Variants in APOC3 observed in about 807,000 individuals in gnomAD.
The protein encoded by APOC3 is apolipoprotein C-III.
In APOC3, 6 loss-of-function variants were observed where a neutral mutation model predicts 7.3. That is an observed-to-expected ratio of 0.82 (90% confidence interval 0.45 to 1.61). The LOEUF is 1.61. Among genes scored for constraint, APOC3 ranks in the 40% most tolerant of loss-of-function variants. APOC3 has a pLI of 0.01. For synonymous variants in APOC3, 45 were observed against 51.2 expected, an observed-to-expected ratio of 0.88 and a Z score of 0.52; for missense variants, 123 against 124.9, an observed-to-expected ratio of 0.98 and a Z score of 0.07.
chr11:116,833,021 C>G lies in APOC3; in HGVS notation c.*137C>G. 2 of 1,224,430 alleles carry G rather than the reference C, an allele frequency of 1.6e-6. No homozygotes were observed. Among genetic ancestry groups the G allele is most frequent in the Non-Finnish European group, 2.4e-6 (2 of 848,988 alleles). 75.8% of individuals were successfully genotyped at this position (1,224,430 alleles called of 1,614,324 possible). A position where few individuals can be genotyped will look rare whatever the true frequency, so the allele number is the denominator to read the frequency against. On this transcript the variant is annotated 3_prime_UTR_variant, in exon 4 of 4. Coordinates refer to ENST00000227667, the MANE Select transcript of APOC3 (RefSeq NM_000040.3). ...CTCCTACCCCACCTCATGCCTGGCC[C>G]CCCTCCAGGCATGCTGGCCTCCCAA...
rs745663150 is a variant in APOC3, at chr11:116,830,796, T to A, written c.79T>A (p.Ser27Thr). Residue 27 changes from serine to threonine, a missense_variant, in exon 3 of 4, where the codon TCC becomes ACC. Coordinates refer to ENST00000227667, the MANE Select transcript of APOC3 (RefSeq NM_000040.3). ...AGGAGCTTCAGAGGCCGAGGATGCCTCCCTTCTCAGCTTCATGCAGGGTTA... is the reference window on the plus strand; with the variant it reads ...AGGAGCTTCAGAGGCCGAGGATGCCACCCTTCTCAGCTTCATGCAGGGTTA... ...SARASEAEDA[S>T]LLSFMQGYMK... 1 of 1,613,018 alleles carries A rather than the reference T, an allele frequency of 6.2e-7. No individual in the cohort carries two copies. The highest frequency in any genetic ancestry group is 8.5e-7 in the Non-Finnish European group (1 of 1,179,868).
chr11:116,830,832 G>T lies in APOC3; in HGVS notation c.115G>T (p.Ala39Ser). The stretch of plus-strand genomic sequence containing the variant: ...CTTCATGCAGGGTTACATGAAGCAC[G>T]CCACCAAGACCGCCAAGGATGCACT... ...LSFMQGYMKH[A>S]TKTAKDALSS... is the part of the protein sequence containing the mutation. The change falls in exon 3 of 4, where the codon GCC becomes TCC. Residue 39 changes from alanine to serine, a missense_variant. Coordinates refer to ENST00000227667, the MANE Select transcript of APOC3 (RefSeq NM_000040.3). The T allele has an allele frequency of 6.2e-7, 1 of 1,613,116 alleles. No homozygotes were observed. Among genetic ancestry groups the T allele is most frequent in the East Asian group, 2.2e-5 (1 of 44,864 alleles).
rs1377177486 is a variant in APOC3, at chr11:116,832,952, G to T, written c.*68G>T. 8.7e-6 allele frequency: 14 copies of T among 1,609,940 alleles called. No individual in the cohort carries two copies. Among genetic ancestry groups the T allele is most frequent in the African/African-American group, 1.3e-5 (1 of 74,816 alleles). ...CTCCTTGGGTCCTGCAATCTCCAGG[G>T]CTGCCCCTGTAGGTTGCTTAAAAGG... On this transcript the variant is annotated 3_prime_UTR_variant, in exon 4 of 4. Transcript: ENST00000227667.
At chr11:116,830,458 T>A (rs1360758696) in intron 1 of APOC3, 112 bp from the exon 2 acceptor site, 3 of 1,135,520 alleles carry the variant, frequency 2.6e-6, no homozygotes, top group African/African-American at 3.0e-5. Flanking sequence ...CGGCCCCTAC[T>A]CCTTCTGGCA....
At chr11:116,831,009 G>T in intron 3 of APOC3, 113 bp downstream of exon 3, 1 of 1,317,624 alleles carries the variant, frequency 7.6e-7, no homozygotes, top group African/African-American at 1.4e-5. Flanking sequence ...CCTCCCCTGG[G>T]CCTGTGCCTC....
At position 116,829,953 on chromosome 11, in the gene APOC3, G is replaced by A. The variant is rs1406647663; in HGVS notation, c.-14+13G>A. On this transcript the variant is annotated intron_variant, in intron 1 of 3. Transcript: ENST00000227667. ...GCAGCTGCTCCAGGTAATGCCCTCT[G>A]GGGAGGGGAAAGAGGAGGGGAGGAG... 2 of 164,300 alleles carry A rather than the reference G, an allele frequency of 1.2e-5. No homozygotes were observed. The highest frequency in any genetic ancestry group is 4.8e-5 in the African/African-American group (2 of 41,574). The allele number at this position is 164,300 out of a possible 1,614,324, so 10.2% of individuals were successfully genotyped here. A position where few individuals can be genotyped will look rare whatever the true frequency, so the allele number is the denominator to read the frequency against.
At position 116,833,070 on chromosome 11, in the gene APOC3, T is replaced by C. The variant is rs1941480537; in HGVS notation, c.*186T>C. ...AATAAAGCTGGACAAGAAGCTGCTA[T>C]GAGTGGGCCGTCGCAAGTGTGCCAT... On this transcript the variant is annotated 3_prime_UTR_variant, in exon 4 of 4. Transcript: ENST00000227667. 1 of 831,602 alleles carries C rather than the reference T, an allele frequency of 1.2e-6. No homozygotes were observed. Among genetic ancestry groups the C allele is most frequent in the African/African-American group, 1.7e-5 (1 of 59,178 alleles). 51.5% of individuals were successfully genotyped at this position (831,602 alleles called of 1,614,324 possible). A position where few individuals can be genotyped will look rare whatever the true frequency, so the allele number is the denominator to read the frequency against.
At chr11:116,830,443 G>A (rs2134224411) in intron 1 of APOC3, 127 bp from the exon 2 acceptor site, 3 of 957,374 alleles carry the variant, frequency 3.1e-6, no homozygotes, top group Middle Eastern at 5.6e-4. Flanking sequence ...GTATTAGCAG[G>A]GAGCCGGCCC....
chr11:116,830,037 C>T (rs771435413), intron 1 of APOC3, 97 bp downstream of exon 1: 32 of 171,944 alleles, frequency 1.9e-4, no homozygotes, highest in Non-Finnish European at 2.9e-4. Context: ...TGGAGAAGCA[C>T]TTGCTAGAGC....
At chr11:116,831,300 CCTTT>C (rs767886491) in intron 3 of APOC3, among the ~76,000 whole-genome samples, 1 of 110,480 alleles carries the variant, frequency 9.1e-6, no homozygotes, top group Non-Finnish European at 1.7e-5. Flanking sequence ...TTCTTTCTTT[CCTTT>C]CTTTCTCTTT....
At position 116,830,907 on chromosome 11, in the gene APOC3, T is replaced by C; in HGVS notation, c.179+11T>C. ...GGCCCAGCAGGCCAGGTACACCCGC[T>C]GGCCTCCCTCCCCATCCCCCCTGCC... is the stretch of plus-strand genomic sequence containing the variant. On this transcript the variant is annotated intron_variant, in intron 3 of 3. Coordinates refer to ENST00000227667, the MANE Select transcript of APOC3 (RefSeq NM_000040.3). 6.2e-7 allele frequency: 1 copy of C among 1,611,400 alleles called. No individual in the cohort carries two copies.
Position 116,830,921 on chromosome 11 carries a change from A to G in APOC3, c.179+25A>G, listed in dbSNP as rs1242354329. 5 of 1,561,238 alleles carry G rather than the reference A, an allele frequency of 3.2e-6. No homozygotes were observed. In the African/African-American group the frequency reaches 7.2e-5, roughly 22 times the overall value. On this transcript the variant is annotated intron_variant, in intron 3 of 3. Coordinates refer to ENST00000227667, the MANE Select transcript of APOC3 (RefSeq NM_000040.3). Reference sequence around the variant, plus strand: ...GGTACACCCGCTGGCCTCCCTCCCCATCCCCCCTGCCAGCTGCCTCCATTC... The same window carrying G: ...GGTACACCCGCTGGCCTCCCTCCCCGTCCCCCCTGCCAGCTGCCTCCATTC...
intron 3 of APOC3, 34 bp from the exon 4 acceptor site, chr11:116,832,730 T>C (rs762551524): frequency 1.2e-6 from 2 of 1,613,972 alleles, no homozygotes; most frequent in Admixed American, 3.3e-5. Flanking sequence ...GGAGTTCTCA[T>C]GCCCTGCTCT....
At chr11:116,831,233 CTTTCTTTCTTT>C (rs778327867) in intron 3 of APOC3, 5,583 of 179,616 alleles carry the variant, frequency 0.031, 120 homozygotes, top group Admixed American at 0.044. Context: ...TTCTTTCTTT[CTTTCTTTCTTT>C]CTTTCTTTCT....
chr11:116,830,913 C>A lies in APOC3; in HGVS notation c.179+17C>A, dbSNP rs779756520. ...GCAGGCCAGGTACACCCGCTGGCCT[C>A]CCTCCCCATCCCCCCTGCCAGCTGC... On this transcript the variant is annotated intron_variant, in intron 3 of 3. Coordinates refer to ENST00000227667, the MANE Select transcript of APOC3 (RefSeq NM_000040.3). 6.2e-7 allele frequency: 1 copy of A among 1,610,862 alleles called. No homozygotes were observed. The highest frequency in any genetic ancestry group is 8.5e-7 in the Non-Finnish European group (1 of 1,179,612).
rs1211269985 is a variant in APOC3 at position 116,830,607 on chromosome 11, G to A, written c.25G>A (p.Val9Ile). Residue 9 changes from valine to isoleucine, a missense_variant, in exon 2 of 4, where the codon GTT becomes ATT. Val to Ile is a conservative substitution (Grantham distance 29). Coordinates refer to ENST00000227667, the MANE Select transcript of APOC3 (RefSeq NM_000040.3). ...CATGCAGCCCCGGGTACTCCTTGTT[G>A]TTGCCCTCCTGGCGCTCCTGGCCTC... Reference protein sequence around the residue: MQPRVLLVVALLALLASAR... With the variant: MQPRVLLVIALLALLASAR... 1 of 1,614,004 alleles carries A rather than the reference G, an allele frequency of 6.2e-7. No individual in the cohort carries two copies. The highest frequency in any genetic ancestry group is 2.2e-5 in the East Asian group (1 of 44,860).
intron 1 of APOC3, 165 bp from the exon 2 acceptor site, chr11:116,830,405 C>T (rs1411462194): frequency 1.1e-5 from 8 of 719,774 alleles, no homozygotes; most frequent in Non-Finnish European, 1.7e-5. Flanking sequence ...GATCCCTCGC[C>T]CCTCACCAGT....
chr11:116,832,492 T>C (rs1346642421), intron 3 of APOC3, among the ~76,000 whole-genome samples: 1 of 152,182 alleles, frequency 6.6e-6, no homozygotes, highest in African/African-American at 2.4e-5. Context: ...ACCCTGTCAC[T>C]TTGTGCCTCA....
chr11:116,831,077 A>G (rs1281632160), intron 3 of APOC3, 181 bp downstream of exon 3: 2 of 753,546 alleles, frequency 2.7e-6, no homozygotes, highest in Non-Finnish European at 4.3e-6. Context: ...GAGATGACAG[A>G]GTTGAGACTG....
Sources: allele counts gnomAD v4.1 joint callset (sites outside exome capture counted in the v4.1 genomes callset), GRCh38; gene constraint gnomAD v4.1.1; transcripts MANE v1.5; gene names NCBI Gene and HGNC (gene_info 2026-07-23, HGNC 2026-07-21).